Variants in SLIT3 observed in about 807,000 individuals in gnomAD.
The protein encoded by SLIT3 is slit guidance ligand 3.
A neutral mutation model predicts 184.0 loss-of-function variants in SLIT3; 68 were observed. The observed-to-expected ratio is 0.37, with a 90% CI of 0.30 to 0.45. The LOEUF is 0.45. Among genes scored for constraint, SLIT3 ranks in the 20% least tolerant of loss-of-function variants. The pLI, the probability that SLIT3 is intolerant of heterozygous loss-of-function variation, is 1.00. For synonymous variants in SLIT3, 831 were observed against 828.6 expected (o/e 1.00, Z -0.05); for missense variants, 1,707 against 2,026.0 (o/e 0.84, Z 3.02).
At chr5:169,159,831 C>T (rs1762423714) in intron 4 of SLIT3, among the ~76,000 whole-genome samples, 1 of 152,156 alleles carries the variant, frequency 6.6e-6, no homozygotes, top group Non-Finnish European at 1.5e-5. Context: ...GTGATATAAG[C>T]AAAAGTGCTA....
intron 6 of SLIT3, among the ~76,000 whole-genome samples, chr5:168,834,686 CAAAAAAAAAAAAAAAAAAAA>C (rs540528948): frequency 4.3e-4 from 16 of 37,426 alleles, no homozygotes; most frequent in Admixed American, 8.6e-4. Context: ...GACTCTGTCT[CAAAAAAAAAAAAAAAAAAAA>C]AAAAAAAAAA....
At chr5:169,030,079 C>T (rs761777327) in intron 4 of SLIT3, among the ~76,000 whole-genome samples, 2 of 152,158 alleles carry the variant, frequency 1.3e-5, no homozygotes. Flanking sequence ...GGAAACCTGC[C>T]CTCTCCTAGG....
intron 28 of SLIT3, among the ~76,000 whole-genome samples, chr5:168,695,706 T>C (rs1762039996): frequency 6.6e-6 from 1 of 152,186 alleles, no homozygotes; most frequent in Non-Finnish European, 1.5e-5. Context: ...GGAATGATCT[T>C]CCTGAGGAAT....
At chr5:169,206,618 T>C (rs1253735022) in intron 3 of SLIT3, among the ~76,000 whole-genome samples, 1 of 152,224 alleles carries the variant, frequency 6.6e-6, no homozygotes, top group Non-Finnish European at 1.5e-5. Context: ...AGTAAACGAT[T>C]CAAACATTCC....
At chr5:168,757,028 A>G (rs1298147217) in intron 16 of SLIT3, among the ~76,000 whole-genome samples, 2 of 152,252 alleles carry the variant, frequency 1.3e-5, no homozygotes, top group African/African-American at 4.8e-5. Context: ...CTCTACATCC[A>G]TCAAAGCACT....
chr5:168,823,666 C>T (rs1757609775), intron 6 of SLIT3, among the ~76,000 whole-genome samples: 1 of 152,186 alleles, frequency 6.6e-6, no homozygotes, highest in South Asian at 2.1e-4. Flanking sequence ...TGCCAGTTAC[C>T]TATTCCTGTC....
At chr5:168,970,390 G>A (rs1005539134) in intron 4 of SLIT3, among the ~76,000 whole-genome samples, 2 of 151,734 alleles carry the variant, frequency 1.3e-5, no homozygotes, top group African/African-American at 4.8e-5. Context: ...AGCTACGCGG[G>A]AGGCTGGGGC....
chr5:169,067,603 A>T (rs1209327756), intron 4 of SLIT3, among the ~76,000 whole-genome samples: 1 of 152,042 alleles, frequency 6.6e-6, no homozygotes, highest in Non-Finnish European at 1.5e-5. Flanking sequence ...CAGCTCATAA[A>T]CCTCCTGCTA....
chr5:168,990,039 G>A (rs1309724486), intron 4 of SLIT3, among the ~76,000 whole-genome samples: 1 of 152,152 alleles, frequency 6.6e-6, no homozygotes, highest in Non-Finnish European at 1.5e-5. Context: ...TCAGGACAGG[G>A]CCCTCTTCTC....
rs965869952 is a variant in SLIT3 at position 169,215,330 on chromosome 5, G to A, written c.342-21780C>T. Among the ~76,000 whole-genome samples, 15 of 152,136 alleles carry A rather than the reference G, an allele frequency of 9.9e-5. 1 individual carries two copies. Among genetic ancestry groups the A allele is most frequent in the African/African-American group, 3.1e-4 (13 of 41,422 alleles). ...CCAGTTCAGCCTCTAGGTCTCAGCTGAGAGGGCATCCATTCTAGGAAGTCT... is the reference window on the plus strand; with the variant it reads ...CCAGTTCAGCCTCTAGGTCTCAGCTAAGAGGGCATCCATTCTAGGAAGTCT... On this transcript the variant is annotated intron_variant, in intron 3 of 35. Coordinates refer to ENST00000519560, the MANE Select transcript of SLIT3 (RefSeq NM_003062.4).
At chr5:168,669,026 G>A (rs545207078) in intron 35 of SLIT3, among the ~76,000 whole-genome samples, 3 of 152,286 alleles carry the variant, frequency 2.0e-5, no homozygotes, top group Admixed American at 6.5e-5. Context: ...GGCCTTCATC[G>A]TGACAATGTT....
intron 18 of SLIT3, 69 bp downstream of exon 18, chr5:168,752,886 A>G: frequency 6.8e-7 from 1 of 1,463,980 alleles, no homozygotes; most frequent in Non-Finnish European, 9.5e-7. Context: ...GGTAGCAGGG[A>G]GCTGGGAGGA....
At chr5:169,070,218 A>G (rs1397638414) in intron 4 of SLIT3, among the ~76,000 whole-genome samples, 2 of 152,110 alleles carry the variant, frequency 1.3e-5, no homozygotes, top group Non-Finnish European at 2.9e-5. Flanking sequence ...AGTATGTTCG[A>G]GTGATGTGTC....
chr5:168,825,569 T>C (rs1346084228), intron 6 of SLIT3, among the ~76,000 whole-genome samples: 2 of 152,202 alleles, frequency 1.3e-5, no homozygotes, highest in South Asian at 2.1e-4. Flanking sequence ...CTGCCTACTT[T>C]ATGACTTCAC....
chr5:168,713,047 T>A (rs1762610692), intron 23 of SLIT3, among the ~76,000 whole-genome samples: 1 of 152,212 alleles, frequency 6.6e-6, no homozygotes, highest in Admixed American at 6.5e-5. Context: ...TAAAGAGATC[T>A]TAGGCACGTT....
chr5:168,806,231 G>A (rs1400310991), intron 9 of SLIT3, among the ~76,000 whole-genome samples: 1 of 152,176 alleles, frequency 6.6e-6, no homozygotes, highest in African/African-American at 2.4e-5. Context: ...CTGGCCCTAG[G>A]CTATAGCTTG....
At chr5:169,106,571 T>C (rs1050822586) in intron 4 of SLIT3, among the ~76,000 whole-genome samples, 15 of 152,202 alleles carry the variant, frequency 9.9e-5, no homozygotes, top group Admixed American at 2.6e-4. Context: ...AGTCTAACCC[T>C]CATCATCCCT....
intron 4 of SLIT3, among the ~76,000 whole-genome samples, chr5:169,019,465 T>C (rs1239690900): frequency 6.6e-6 from 1 of 152,256 alleles, no homozygotes; most frequent in Non-Finnish European, 1.5e-5. Context: ...TGTATTTTGA[T>C]AGCTTCCTTG....
intron 1 of SLIT3, among the ~76,000 whole-genome samples, chr5:169,256,123 G>A (rs115513799): frequency 0.016 from 2,480 of 151,414 alleles, 67 homozygotes; most frequent in African/African-American, 0.057. Context: ...CTTTTATACC[G>A]TATCTTTATT....
Sources: allele counts gnomAD v4.1 joint callset (sites outside exome capture counted in the v4.1 genomes callset), GRCh38; gene constraint gnomAD v4.1.1; transcripts MANE v1.5; gene names NCBI Gene and HGNC (gene_info 2026-07-23, HGNC 2026-07-21).